TLK2: variants seen among roughly 807,000 people sequenced by gnomAD.
The protein encoded by TLK2 is serine/threonine-protein kinase tousled-like 2.
Under a neutral mutation model 117.3 loss-of-function variants are expected in TLK2, and 6 were observed. The observed-to-expected ratio is 0.05, with a 90% CI of 0.03 to 0.10. The LOEUF (loss-of-function observed/expected upper bound fraction) is 0.10. Ranked by LOEUF, TLK2 falls within the 10% of genes least tolerant of loss-of-function variation. The probability of loss-of-function intolerance (pLI) is 1.00; values close to 1 mark genes in which losing one functional copy is unlikely to be tolerated. For missense variants in TLK2, 299 were observed against 901.2 expected (o/e 0.33, Z 8.56); for synonymous variants, 257 against 316.7 (o/e 0.81, Z 2.00).
At chr17:62,515,828 T>C (rs182757574) in intron 2 of TLK2, among the ~76,000 whole-genome samples, 2 of 152,328 alleles carry the variant, frequency 1.3e-5, no homozygotes, top group East Asian at 3.9e-4. Context: ...ATTTTAAATT[T>C]TGATGTCTAT....
chr17:62,534,881 CT>C (rs386386398), intron 6 of TLK2, among the ~76,000 whole-genome samples: 133 of 73,002 alleles, frequency 1.8e-3, no homozygotes, highest in South Asian at 7.2e-3. Context: ...TAATTCCAGT[CT>C]TTTTTTTTTT....
Position 62,524,301 on chromosome 17 carries a change from A to T in TLK2, c.333A>T (p.Ser111=). ...GRSVPPVARS[S]PQHSLSNPLP... ...GTGTTCCACCAGTTGCACGATCCTC[A>T]CCGCAACATTCCTTATCCAATCCCT... The change falls in exon 6 of 22, where the codon TCA becomes TCT. Residue 111 remains serine, a synonymous_variant. Transcript: ENST00000346027. The T allele has an allele frequency of 1.2e-6, 2 of 1,613,696 alleles. No homozygotes were observed. Among genetic ancestry groups the T allele is most frequent in the Non-Finnish European group, 1.7e-6 (2 of 1,179,800 alleles).
At chr17:62,531,015 C>T (rs1431062666) in intron 6 of TLK2, among the ~76,000 whole-genome samples, 2 of 151,800 alleles carry the variant, frequency 1.3e-5, no homozygotes, top group Admixed American at 1.3e-4. Flanking sequence ...CTTTTTTTCC[C>T]CTGGCTGCTT....
At chr17:62,595,606 C>T (rs1297303052) in intron 16 of TLK2, among the ~76,000 whole-genome samples, 1 of 148,796 alleles carries the variant, frequency 6.7e-6, no homozygotes, top group Non-Finnish European at 1.5e-5. Flanking sequence ...CTCTGTTATA[C>T]TCTTATGGGA....
chr17:62,561,058 A>G (rs2079231616), intron 10 of TLK2, among the ~76,000 whole-genome samples: 1 of 151,958 alleles, frequency 6.6e-6, no homozygotes, highest in South Asian at 2.1e-4. Flanking sequence ...ATTCCCACCT[A>G]TGAGTGAGAA....
intron 2 of TLK2, among the ~76,000 whole-genome samples, chr17:62,495,840 T>C (rs1206680384): frequency 6.6e-6 from 1 of 151,586 alleles, no homozygotes; most frequent in Admixed American, 6.6e-5. Context: ...TTTTTTTGTT[T>C]TTTAGTAGAG....
chr17:62,590,141 A>G (rs958762388), intron 16 of TLK2, among the ~76,000 whole-genome samples: 4 of 145,120 alleles, frequency 2.8e-5, no homozygotes, highest in Non-Finnish European at 4.6e-5. Flanking sequence ...AAAAACAAAC[A>G]GCAGCACCGG....
At chr17:62,543,383 G>T (rs1391967001) in intron 7 of TLK2, among the ~76,000 whole-genome samples, 2 of 152,144 alleles carry the variant, frequency 1.3e-5, no homozygotes, top group African/African-American at 4.8e-5. Flanking sequence ...GAGTGAAATT[G>T]CCAGGTCATA....
At chr17:62,500,304 C>G (rs1406375302) in intron 2 of TLK2, among the ~76,000 whole-genome samples, 1 of 150,968 alleles carries the variant, frequency 6.6e-6, no homozygotes, top group Non-Finnish European at 1.5e-5. Flanking sequence ...TATAAAAAAG[C>G]TAAGTATAAA....
intron 7 of TLK2, among the ~76,000 whole-genome samples, chr17:62,537,381 A>G (rs1167055365): frequency 2.0e-5 from 3 of 152,250 alleles, no homozygotes; most frequent in Non-Finnish European, 4.4e-5. Context: ...GAATAACGTC[A>G]TTTCATTCAA....
At chr17:62,604,259 G>A (rs2083093874) in intron 19 of TLK2, among the ~76,000 whole-genome samples, 2 of 151,806 alleles carry the variant, frequency 1.3e-5, no homozygotes, top group South Asian at 2.1e-4. Flanking sequence ...CACCCGCCTC[G>A]GCCTCCCAAA....
At chr17:62,521,387 AATTG>A (rs2076037855) in intron 3 of TLK2, among the ~76,000 whole-genome samples, 1 of 152,166 alleles carries the variant, frequency 6.6e-6, no homozygotes, top group African/African-American at 2.4e-5. Flanking sequence ...TGGAAGATAA[AATTG>A]ATTGACTGAT....
At chr17:62,553,952 C>G (rs1008276464) in intron 9 of TLK2, among the ~76,000 whole-genome samples, 197 bp downstream of exon 9, 1 of 152,072 alleles carries the variant, frequency 6.6e-6, no homozygotes, top group Non-Finnish European at 1.5e-5. Context: ...AATTGGAAAT[C>G]TTATACTGTA....
rs115262103 is a variant in TLK2 at position 62,492,954 on chromosome 17, C to T, written c.81+11748C>T. 1.4e-3 allele frequency among the ~76,000 whole-genome samples: 216 copies of T among 152,024 alleles called. 2 individuals are homozygous for T. The highest frequency in any genetic ancestry group is 4.8e-3 in the African/African-American group (199 of 41,486). Reference sequence around the variant, plus strand: ...CTACTAAAAATACAAAAAAGTTAGCCGGGCATGTTGGTGGGCACCTGTAAT... The same window carrying T: ...CTACTAAAAATACAAAAAAGTTAGCTGGGCATGTTGGTGGGCACCTGTAAT... On this transcript the variant is annotated intron_variant, in intron 2 of 21. Transcript: ENST00000346027.
chr17:62,504,078 A>T (rs1226511846), intron 2 of TLK2, among the ~76,000 whole-genome samples: 2 of 152,138 alleles, frequency 1.3e-5, no homozygotes, highest in Admixed American at 6.6e-5. Context: ...TTTGGCCCCT[A>T]TGGGTGGCAA....
chr17:62,528,274 C>T (rs2076513259), intron 6 of TLK2, among the ~76,000 whole-genome samples: 1 of 151,964 alleles, frequency 6.6e-6, no homozygotes, highest in Admixed American at 6.6e-5. Flanking sequence ...ACCTTTTTCC[C>T]TATAAAAGAT....
At chr17:62,590,798 T>C (rs1364232528) in intron 16 of TLK2, among the ~76,000 whole-genome samples, 3 of 152,240 alleles carry the variant, frequency 2.0e-5, no homozygotes, top group African/African-American at 7.2e-5. Context: ...TAAATCTCTT[T>C]ACTGTTTCTT....
chr17:62,606,390 CTT>C, intron 20 of TLK2, 149 bp downstream of exon 20: 1 of 456,594 alleles, frequency 2.2e-6, no homozygotes, highest in Non-Finnish European at 3.9e-6. Context: ...AAAATACAGA[CTT>C]AATAATACAA....
intron 12 of TLK2, among the ~76,000 whole-genome samples, chr17:62,575,022 T>C (rs914610821): frequency 6.6e-6 from 1 of 152,234 alleles, no homozygotes; most frequent in African/African-American, 2.4e-5. Flanking sequence ...TGTGTGTATT[T>C]TGTGAAGGGA....
Sources: gnomAD v4.1 joint callset for allele counts (sites outside exome capture counted in the v4.1 genomes callset) on GRCh38, gnomAD v4.1.1 for gene constraint, MANE v1.5 for transcripts, NCBI Gene and HGNC (gene_info 2026-07-23, HGNC 2026-07-21) for gene names.